The following UNC5D variants were observed in gnomAD, a reference collection of about 807,000 sequenced individuals.
UNC5D encodes unc-5 netrin receptor D.
UNC5D carries 39 observed loss-of-function variants against 105.4 expected under a neutral mutation model. The observed-to-expected ratio is 0.37, with a 90% confidence interval of 0.29 to 0.48. The LOEUF (loss-of-function observed/expected upper bound fraction) is 0.48. Among genes scored for constraint, UNC5D ranks in the 20% least tolerant of loss-of-function variants. UNC5D has a pLI of 0.98. For missense variants in UNC5D, 991 were observed against 1,202.4 expected, an observed-to-expected ratio of 0.82 and a Z score of 2.60; for synonymous variants, 452 against 450.4, an observed-to-expected ratio of 1.00 and a Z score of -0.04.
At chr8:35,486,899 C>T (rs758132643) in intron 1 of UNC5D, among the ~76,000 whole-genome samples, 1 of 152,150 alleles carries the variant, frequency 6.6e-6, no homozygotes, top group African/African-American at 2.4e-5. Flanking sequence ...TGAGAACTGG[C>T]TTTCCCAGGG....
intron 1 of UNC5D, among the ~76,000 whole-genome samples, chr8:35,368,491 T>C (rs973648917): frequency 6.6e-6 from 1 of 151,918 alleles, no homozygotes; most frequent in African/African-American, 2.4e-5. Context: ...ATAACCACCC[T>C]ATTGTATCAT....
intron 1 of UNC5D, among the ~76,000 whole-genome samples, chr8:35,282,984 T>A (rs1806303295): frequency 6.6e-6 from 1 of 152,190 alleles, no homozygotes; most frequent in East Asian, 1.9e-4. Flanking sequence ...TGACTAACAC[T>A]TTCAATGTTT....
intron 1 of UNC5D, among the ~76,000 whole-genome samples, chr8:35,311,266 G>T (rs1808857985): frequency 6.6e-6 from 1 of 152,156 alleles, no homozygotes; most frequent in African/African-American, 2.4e-5. Context: ...TTGTTTCAGA[G>T]AATATTTAGA....
intron 3 of UNC5D, among the ~76,000 whole-genome samples, chr8:35,586,342 G>A (rs967673174): frequency 1.3e-5 from 2 of 152,184 alleles, no homozygotes; most frequent in African/African-American, 4.8e-5. Context: ...TGCGGGAGGA[G>A]CGCAGATAAT....
chr8:35,422,394 G>C (rs184416930), intron 1 of UNC5D, among the ~76,000 whole-genome samples: 2 of 152,332 alleles, frequency 1.3e-5, no homozygotes, highest in East Asian at 3.9e-4. Context: ...CTGGCGGAGA[G>C]AGAGTTTGAC....
chr8:35,365,751 T>A (rs367861971), intron 1 of UNC5D, among the ~76,000 whole-genome samples: 1 of 152,026 alleles, frequency 6.6e-6, no homozygotes, highest in East Asian at 1.9e-4. Flanking sequence ...AGGAATAGAA[T>A]CCTGGTATTA....
At chr8:35,509,544 C>T (rs1000149381) in intron 1 of UNC5D, among the ~76,000 whole-genome samples, 1 of 130,402 alleles carries the variant, frequency 7.7e-6, no homozygotes, top group East Asian at 2.3e-4. Context: ...AGACCCTGGG[C>T]CATACTACAT....
At chr8:35,653,581 C>A (rs1823556249) in intron 4 of UNC5D, among the ~76,000 whole-genome samples, 1 of 152,126 alleles carries the variant, frequency 6.6e-6, no homozygotes, top group African/African-American at 2.4e-5. Context: ...TGTGCACAAT[C>A]TTTTGTTTCT....
intron 1 of UNC5D, among the ~76,000 whole-genome samples, chr8:35,502,818 G>T (rs1280750074): frequency 6.6e-6 from 1 of 151,854 alleles, no homozygotes; most frequent in African/African-American, 2.4e-5. Context: ...GCCCACCTCA[G>T]CCTCTTAAAG....
At chr8:35,388,222 G>A (rs991949662) in intron 1 of UNC5D, among the ~76,000 whole-genome samples, 3 of 152,054 alleles carry the variant, frequency 2.0e-5, no homozygotes, top group African/African-American at 7.2e-5. Flanking sequence ...AAATTAGCCA[G>A]GCATGGTGGC....
intron 1 of UNC5D, among the ~76,000 whole-genome samples, chr8:35,514,579 C>A (rs754570469): frequency 6.6e-6 from 1 of 152,080 alleles, no homozygotes; most frequent in Non-Finnish European, 1.5e-5. Context: ...ATATCCTGAC[C>A]CAAGAGATGC....
chr8:35,631,393 C>T (rs1444085457), intron 4 of UNC5D, among the ~76,000 whole-genome samples: 1 of 152,108 alleles, frequency 6.6e-6, no homozygotes, highest in Non-Finnish European at 1.5e-5. Flanking sequence ...CCTGATGATT[C>T]ACCCAGAGTC....
intron 13 of UNC5D, among the ~76,000 whole-genome samples, chr8:35,756,429 C>T (rs1360566500): frequency 6.6e-6 from 1 of 151,346 alleles, no homozygotes; most frequent in Non-Finnish European, 1.5e-5. Flanking sequence ...ACTGTGTAGA[C>T]AGTATATATA....
chr8:35,366,611 T>C (rs1049471268), intron 1 of UNC5D, among the ~76,000 whole-genome samples: 10 of 152,132 alleles, frequency 6.6e-5, no homozygotes, highest in African/African-American at 1.2e-4. Context: ...ATATATATCA[T>C]TAGATTCACC....
In UNC5D at chr8:35,389,465, G is replaced by A. The variant is rs180713036; in HGVS notation, c.103+153578G>A. On this transcript the variant is annotated intron_variant, in intron 1 of 16. Coordinates refer to ENST00000404895, the MANE Select transcript of UNC5D (RefSeq NM_080872.4). ...GTAACAGAGAACTAGATTATCATTC[G>A]TCTTTTGTTTGGAAAACAATACCAT... Among the ~76,000 whole-genome samples the A allele has an allele frequency of 4.6e-3, 702 of 152,090 alleles. 4 individuals carry two copies. The highest frequency in any genetic ancestry group is 0.016 in the African/African-American group (656 of 41,484).
At chr8:35,407,379 G>A (rs1804873696) in intron 1 of UNC5D, among the ~76,000 whole-genome samples, 1 of 151,900 alleles carries the variant, frequency 6.6e-6, no homozygotes, top group Non-Finnish European at 1.5e-5. Context: ...ATATTTTTGA[G>A]GATTAACTAT....
At chr8:35,578,067 A>C (rs1286392622) in intron 3 of UNC5D, among the ~76,000 whole-genome samples, 2 of 151,896 alleles carry the variant, frequency 1.3e-5, no homozygotes, top group Non-Finnish European at 2.9e-5. Context: ...TCTACTAAAC[A>C]TATAAAAATT....
intron 13 of UNC5D, 128 bp downstream of exon 13, chr8:35,750,937 G>C: frequency 9.2e-7 from 1 of 1,091,890 alleles, no homozygotes; most frequent in Admixed American, 2.0e-5. Context: ...TAACTGCCCA[G>C]TGGGTTCACC....
intron 4 of UNC5D, among the ~76,000 whole-genome samples, chr8:35,631,778 A>G (rs1400543999): frequency 6.6e-6 from 1 of 152,218 alleles, no homozygotes; most frequent in Non-Finnish European, 1.5e-5. Context: ...TCTGTTTTAT[A>G]GGATTACAAT....
Sources: gnomAD v4.1 joint callset for allele counts (sites outside exome capture counted in the v4.1 genomes callset) on GRCh38, gnomAD v4.1.1 for gene constraint, MANE v1.5 for transcripts, NCBI Gene and HGNC (gene_info 2026-07-23, HGNC 2026-07-21) for gene names.